The following STK25 variants were observed in gnomAD, a reference collection of about 807,000 sequenced individuals.
STK25 encodes serine/threonine-protein kinase 25.
In STK25, 29 loss-of-function variants were observed where a neutral mutation model predicts 53.8. The observed-to-expected ratio is 0.54, with a 90% CI of 0.40 to 0.74. STK25 has a LOEUF of 0.74. Among genes scored for constraint, STK25 ranks in the 30% least tolerant of loss-of-function variants. The pLI, the probability that STK25 is intolerant of heterozygous loss-of-function variation, is 0.00. For missense variants in STK25, 420 were observed against 568.0 expected (o/e 0.74, Z 2.65); for synonymous variants, 247 against 238.3 (o/e 1.04, Z -0.33).
intron 9 of STK25, 31 bp downstream of exon 9, chr2:241,498,204 A>G (rs368397961): frequency 5.2e-5 from 83 of 1,593,648 alleles, no homozygotes; most frequent in Non-Finnish European, 6.8e-5. Flanking sequence ...CCAGGGGTGC[A>G]CAGAGGGCAA....
In STK25 at chr2:241,498,234, C is replaced by T. The variant is rs200125893; in HGVS notation, c.1032+1G>A. On this transcript the variant is annotated splice_donor_variant, in intron 9 of 11. Transcript: ENST00000316586. LOFTEE classifies it high-confidence loss of function. ...GGGCAAAGGCCAGGCCAGGAACAGA[C>T]CTTCTGTGAACTGTGCAGGGCCGTC... 6.8e-6 allele frequency: 11 copies of T among 1,613,058 alleles called. No individual in the cohort carries two copies. Among genetic ancestry groups the T allele is most frequent in the Non-Finnish European group, 8.5e-7 (1 of 1,179,300 alleles).
intron 4 of STK25, 55 bp from the exon 5 acceptor site, chr2:241,500,336 T>C (rs2065432345): frequency 4.8e-6 from 6 of 1,262,440 alleles, no homozygotes; most frequent in East Asian, 2.3e-5. Context: ...GCCCAATGCC[T>C]GAGTTCTCTG....
chr2:241,509,339 CAGGGTCCG>C, upstream of STK25: 1 of 152,382 alleles, frequency 6.6e-6, no homozygotes, highest in African/African-American at 2.4e-5. Flanking sequence ...TGGCACTCCC[CAGGGTCCG>C]GGAGGGACTT....
intron 2 of STK25, among the ~76,000 whole-genome samples, chr2:241,507,144 C>T (rs559484132): frequency 1.4e-3 from 209 of 152,332 alleles, no homozygotes; most frequent in Non-Finnish European, 2.2e-3. Flanking sequence ...AGAGCCAAGG[C>T]ATCAAGGAGA....
intron 1 of STK25, 141 bp from the exon 2 acceptor site, chr2:241,508,276 A>T: frequency 7.8e-7 from 1 of 1,281,920 alleles, no homozygotes; most frequent in Non-Finnish European, 9.8e-7. Flanking sequence ...CCTAACGCCC[A>T]GGCTCCCGGG....
chr2:241,498,546 C>T (rs977197109), intron 8 of STK25, 93 bp downstream of exon 8: 1 of 1,485,460 alleles, frequency 6.7e-7, no homozygotes, highest in Non-Finnish European at 9.1e-7. Flanking sequence ...ATCTGGTCAC[C>T]CTCACCCCCA....
At chr2:241,507,468 T>C (rs915435381) in intron 2 of STK25, among the ~76,000 whole-genome samples, 5 of 152,216 alleles carry the variant, frequency 3.3e-5, no homozygotes, top group Non-Finnish European at 7.3e-5. Context: ...AGCAGCCTTT[T>C]CACCCTCCCC....
In STK25 at chr2:241,496,563, G is replaced by A; in HGVS notation, c.1105-29C>T. 1 of 1,602,386 alleles carries A rather than the reference G, an allele frequency of 6.2e-7. No homozygotes were observed. The highest frequency in any genetic ancestry group is 1.1e-5 in the South Asian group (1 of 90,696). The stretch of plus-strand genomic sequence containing the variant: ...TGAAAAGACCACCACGCCTGACCCT[G>A]GACCCCAGGACAGGCCTTCAGGGAG... On this transcript the variant is annotated intron_variant, in intron 10 of 11. Coordinates refer to ENST00000316586, the MANE Select transcript of STK25 (RefSeq NM_001271977.2). The surrounding 1 kb of genome is among the most constrained non-coding windows in gnomAD (Gnocchi z 5.8).
chr2:241,499,483 G>A, intron 5 of STK25, 69 bp from the exon 6 acceptor site: 5 of 1,554,032 alleles, frequency 3.2e-6, no homozygotes, highest in South Asian at 1.2e-5. Context: ...CCCCTGAGAA[G>A]GGCCAGGGTA....
intron 3 of STK25, 84 bp from the exon 4 acceptor site, chr2:241,500,880 C>T: frequency 7.1e-7 from 1 of 1,414,322 alleles, no homozygotes; most frequent in Middle Eastern, 1.8e-4. Context: ...CGGAGTCAGC[C>T]AGGGCCCAGG....
chr2:241,508,289 C>G, intron 1 of STK25, 154 bp from the exon 2 acceptor site: 1 of 1,266,770 alleles, frequency 7.9e-7, no homozygotes, highest in Non-Finnish European at 9.9e-7. Context: ...CTCCCGGGGG[C>G]TCGCCGCCCC....
Position 241,497,686 on chromosome 2 carries a change from G to A in STK25, c.1034C>T (p.Pro345Leu). The A allele has an allele frequency of 6.2e-7, 1 of 1,613,370 alleles. No homozygotes were observed. The highest frequency in any genetic ancestry group is 1.1e-5 in the South Asian group (1 of 91,082). ...KGTALHSSQK[P>L]AEPVKRQPRS... ...CGGCTGCCTCTTGACGGGCTCCGCA[G>A]GCTGCAAAGGAGTGGAGGCCCAGGG... is the stretch of plus-strand genomic sequence containing the variant. Residue 345 changes from proline to leucine, a missense_variant and splice_region_variant, in exon 10 of 12, where the codon CCT becomes CTT. Pro to Leu is a moderately conservative substitution (Grantham distance 98). Coordinates refer to ENST00000316586, the MANE Select transcript of STK25 (RefSeq NM_001271977.2).
chr2:241,496,260 C>T lies in STK25; in HGVS notation c.1241+138G>A, dbSNP rs1248978511. The T allele has an allele frequency of 5.6e-6, 6 of 1,066,070 alleles. No homozygotes were observed. Among genetic ancestry groups the T allele is most frequent in the East Asian group, 4.8e-5 (2 of 41,732 alleles). 66.0% of individuals were successfully genotyped at this position (1,066,070 alleles called of 1,614,324 possible). On this transcript the variant is annotated intron_variant, in intron 11 of 11. Coordinates refer to ENST00000316586, the MANE Select transcript of STK25 (RefSeq NM_001271977.2). The surrounding 1 kb of genome is among the most constrained non-coding windows in gnomAD (Gnocchi z 5.8). ...GGTCCAAACAAGGAAGAGGATGCCA[C>T]GCCGCGCCTTCCCAGAGTGAAGCGA... is the stretch of plus-strand genomic sequence containing the variant.
intron 9 of STK25, 147 bp from the exon 10 acceptor site, chr2:241,497,834 C>G: frequency 2.6e-6 from 2 of 770,330 alleles, no homozygotes; most frequent in Non-Finnish European, 4.3e-6. Context: ...CCAAAACCAT[C>G]AAGCCACCCG....
In STK25 at chr2:241,499,469, G is replaced by A. The variant is rs544923118; in HGVS notation, c.428-55C>T. On this transcript the variant is annotated intron_variant, in intron 5 of 11. Transcript: ENST00000316586. The stretch of plus-strand genomic sequence containing the variant: ...CCCAGGCTCCACGTGGCTCCACCCC[G>A]GGCCCCCTGAGAAGGGCCAGGGTAC... The A allele has an allele frequency of 2.0e-5, 32 of 1,579,356 alleles. No homozygotes were observed. In the African/African-American group the frequency reaches 2.2e-4, roughly 11 times the overall value.
rs139895598 is a variant in STK25, at chr2:241,493,002, C to T, written c.*2660G>A. On this transcript the variant is annotated 3_prime_UTR_variant, in exon 12 of 12. Coordinates refer to ENST00000316586, the MANE Select transcript of STK25 (RefSeq NM_001271977.2). ...TGGCAGAAGCTCTGGGTCGTCTTTA[C>T]CAACTTCTGTTTGTTCTTCTACAAA... The T allele has an allele frequency of 6.8e-6, 11 of 1,609,868 alleles. No individual in the cohort carries two copies. In the African/African-American group the frequency reaches 1.5e-4, roughly 22 times the overall value.
chr2:241,496,457 C>T lies in STK25; in HGVS notation c.1182G>A (p.Glu394=). 2 of 1,613,698 alleles carry T rather than the reference C, an allele frequency of 1.2e-6. No individual in the cohort carries two copies. The highest frequency in any genetic ancestry group is 1.7e-6 in the Non-Finnish European group (2 of 1,179,986). The change falls in exon 11 of 12, where the codon GAG becomes GAA. Residue 394 remains glutamate, a synonymous_variant. Transcript: ENST00000316586. This position sits in a 1 kb window ranked among gnomAD's most constrained non-coding sequence, Gnocchi z 5.8. ...EELENAFSLA[E]ESCPGISDKL... The stretch of plus-strand genomic sequence containing the variant: ...TGTCTGAGATGCCGGGGCAGGACTC[C>T]TCGGCCAGGCTGAAGGCGTTCTCCA...
chr2:241,503,270 G>A (rs1245538198), intron 2 of STK25, among the ~76,000 whole-genome samples: 1 of 151,736 alleles, frequency 6.6e-6, no homozygotes, highest in Non-Finnish European at 1.5e-5. Flanking sequence ...TCACCATGTT[G>A]GCCAGGCTGG....
Position 241,501,822 on chromosome 2 carries a change from G to C in STK25, c.31-114C>G, listed in dbSNP as rs2065531378. ...GACCTGTAGGGAAGGGGGAGTCCAA[G>C]GGAGCGCACCTCAATTCTTCTCTGG... On this transcript the variant is annotated intron_variant, in intron 2 of 11. Transcript: ENST00000316586. The surrounding 1 kb of genome is among the most constrained non-coding windows in gnomAD (Gnocchi z 5.3). 1 of 698,772 alleles carries C rather than the reference G, an allele frequency of 1.4e-6. No individual in the cohort carries two copies. Among genetic ancestry groups the C allele is most frequent in the Non-Finnish European group, 2.4e-6 (1 of 414,152 alleles). 43.3% of individuals were successfully genotyped at this position (698,772 alleles called of 1,614,324 possible). A position where few individuals can be genotyped will look rare whatever the true frequency, so the allele number is the denominator to read the frequency against.
Sources: gnomAD v4.1 joint callset for allele counts (sites outside exome capture counted in the v4.1 genomes callset) on GRCh38, gnomAD v4.1.1 for gene constraint, Gnocchi (gnomAD v3.1) non-coding constraint, MANE v1.5 for transcripts, NCBI Gene and HGNC (gene_info 2026-07-23, HGNC 2026-07-21) for gene names.